YLPM1: variants seen among roughly 807,000 people sequenced by gnomAD.
YLPM1 encodes YLP motif-containing protein 1.
Under a neutral mutation model 230.0 loss-of-function variants are expected in YLPM1, and 99 were observed. The observed-to-expected ratio is 0.43, with a 90% confidence interval of 0.37 to 0.51. The LOEUF (loss-of-function observed/expected upper bound fraction) is 0.51, where lower values mean the gene tolerates loss of function less well. Ranked by LOEUF, YLPM1 falls within the 20% of genes least tolerant of loss-of-function variation. YLPM1 has a pLI of 0.00. For synonymous variants in YLPM1, 984 were observed against 942.5 expected (o/e 1.04, Z -0.81); for missense variants, 2,592 against 2,707.7 (o/e 0.96, Z 0.95).
At chr14:74,800,629 C>T (rs1033319682) in intron 5 of YLPM1, among the ~76,000 whole-genome samples, 1 of 152,114 alleles carries the variant, frequency 6.6e-6, no homozygotes. Context: ...TAAATTATAA[C>T]TTAAACTTTA....
intron 1 of YLPM1, among the ~76,000 whole-genome samples, chr14:74,768,698 G>C (rs898802987): frequency 2.0e-5 from 3 of 152,156 alleles, no homozygotes; most frequent in Non-Finnish European, 4.4e-5. Flanking sequence ...GGTACTATGA[G>C]TACTGTGCTT....
rs1163193612 is a variant in YLPM1, at chr14:74,812,786, A to G, written c.5502+4A>G. 2 of 1,610,532 alleles carry G rather than the reference A, an allele frequency of 1.2e-6. No individual in the cohort carries two copies. On this transcript the variant is annotated splice_donor_region_variant and intron_variant, in intron 11 of 20. Transcript: ENST00000325680. ...CCGGGAGAGCAGACCTGAGAGAGTGAGTCCTATGAAGTTGATTCGTCTTCG... is the reference window on the plus strand; with the variant it reads ...CCGGGAGAGCAGACCTGAGAGAGTGGGTCCTATGAAGTTGATTCGTCTTCG...
chr14:74,783,154 T>C (rs1161045787), intron 4 of YLPM1, among the ~76,000 whole-genome samples: 1 of 152,146 alleles, frequency 6.6e-6, no homozygotes, highest in Non-Finnish European at 1.5e-5. Flanking sequence ...AGCCTCTTCC[T>C]CCTGGGTTCA....
At chr14:74,813,450 T>A (rs950117514) in intron 11 of YLPM1, among the ~76,000 whole-genome samples, 1 of 152,136 alleles carries the variant, frequency 6.6e-6, no homozygotes, top group African/African-American at 2.4e-5. Context: ...TTCCCTTTAT[T>A]TCTGACATTT....
At chr14:74,834,645 A>T (rs143204188) in intron 19 of YLPM1, among the ~76,000 whole-genome samples, 34 of 152,336 alleles carry the variant, frequency 2.2e-4, no homozygotes, top group Admixed American at 2.0e-3. Flanking sequence ...TAGGGAAAAG[A>T]CATTTCAGGA....
chr14:74,773,806 C>T (rs543444303), intron 1 of YLPM1, among the ~76,000 whole-genome samples: 4 of 147,912 alleles, frequency 2.7e-5, no homozygotes, highest in South Asian at 2.2e-4. Context: ...CTGCAACCTC[C>T]GCCTCCCAGG....
chr14:74,811,958 A>G (rs931948897), intron 10 of YLPM1, among the ~76,000 whole-genome samples: 1 of 152,236 alleles, frequency 6.6e-6, no homozygotes, highest in African/African-American at 2.4e-5. Context: ...CTCACTACCT[A>G]CCATACTACA....
Position 74,818,308 on chromosome 14 carries a change from T to C in YLPM1, c.6024T>C (p.Ile2008=). 1.3e-6 allele frequency: 2 copies of C among 1,597,710 alleles called. No homozygotes were observed. The highest frequency in any genetic ancestry group is 1.7e-6 in the Non-Finnish European group (2 of 1,172,002). ...GTTCTTTGCTGCAAGATGCTGCTAT[T>C]GAAGAGGTGAGTATCCTTTGGTTCA... ...DIRSLLQDAA[I]EEVEMEDFDA... The change falls in exon 16 of 21, where the codon ATT becomes ATC. Residue 2008 remains isoleucine, a synonymous_variant. Coordinates refer to ENST00000325680, the MANE Select transcript of YLPM1 (RefSeq NM_019589.3).
rs2091290599 is a variant in YLPM1 at position 74,798,686 on chromosome 14, G to A, written c.3389G>A (p.Ser1130Asn). 3.1e-6 allele frequency: 5 copies of A among 1,612,010 alleles called. No individual in the cohort carries two copies. The highest frequency in any genetic ancestry group is 1.7e-5 in the Admixed American group (1 of 59,852). Residue 1130 changes from serine to asparagine, a missense_variant, in exon 5 of 21, where the codon AGT (serine) becomes AAT (asparagine). Physicochemically the swap from Ser to Asn is conservative, Grantham distance 46. Around this residue, in one of 4 missense-constraint regions of YLPM1, gnomAD observed 1,862 missense variants for 1,819.8 expected, o/e 1.02. Coordinates refer to ENST00000325680, the MANE Select transcript of YLPM1 (RefSeq NM_019589.3). Reference sequence around the variant, plus strand: ...AGGGGACCTCTTCGAAGGGCTGGGAGTAGAGAGAGAATACCACCCCGAAGA... The same window carrying A: ...AGGGGACCTCTTCGAAGGGCTGGGAATAGAGAGAGAATACCACCCCGAAGA... ...QERGPLRRAG[S>N]RERIPPRRAG...
chr14:74,821,057 G>T lies in YLPM1; in HGVS notation c.6031G>T (p.Val2011Leu). The T allele has an allele frequency of 6.6e-7, 1 of 1,514,272 alleles. No individual in the cohort carries two copies. Among genetic ancestry groups the T allele is most frequent in the Non-Finnish European group, 8.8e-7 (1 of 1,131,920 alleles). 93.8% of individuals were successfully genotyped at this position (1,514,272 alleles called of 1,614,324 possible). ...SLLQDAAIEE[V>L]EMEDFDANIE... ...TTTTTTTTTTTAATGGTTGGTATAG[G>T]TAGAGATGGAAGATTTTGATGCAAA... Residue 2011 changes from valine (V) to leucine (L), a missense_variant and splice_region_variant, in exon 17 of 21, where the codon GTA (valine) becomes TTA (leucine). Transcript: ENST00000325680.
intron 18 of YLPM1, among the ~76,000 whole-genome samples, chr14:74,826,604 T>A (rs1460674790): frequency 6.6e-6 from 1 of 152,206 alleles, no homozygotes; most frequent in Non-Finnish European, 1.5e-5. Context: ...TTATTGCAGA[T>A]TCTTGGTCTA....
At chr14:74,789,320 G>A (rs142363000) in intron 4 of YLPM1, among the ~76,000 whole-genome samples, 2,452 of 152,204 alleles carry the variant, frequency 0.016, 34 homozygotes, top group Non-Finnish European at 0.024. Flanking sequence ...GGGTTCAAGC[G>A]ATTCTCCTGT....
intron 1 of YLPM1, among the ~76,000 whole-genome samples, chr14:74,777,247 T>A (rs1371556504): frequency 1.3e-5 from 2 of 152,042 alleles, no homozygotes; most frequent in African/African-American, 4.8e-5. Context: ...CTAAGGCTTT[T>A]AAAATAAATA....
chr14:74,801,503 C>G (rs184670746), intron 5 of YLPM1, among the ~76,000 whole-genome samples: 1 of 151,988 alleles, frequency 6.6e-6, no homozygotes, highest in South Asian at 2.1e-4. Context: ...AAGAAAAAAC[C>G]GAAGGATTAC....
At chr14:74,785,994 T>C (rs2091146029) in intron 4 of YLPM1, among the ~76,000 whole-genome samples, 1 of 152,102 alleles carries the variant, frequency 6.6e-6, no homozygotes, top group South Asian at 2.1e-4. Flanking sequence ...TTTTCACATA[T>C]AATAAAACTT....
At chr14:74,801,465 A>G (rs1183988878) in intron 5 of YLPM1, among the ~76,000 whole-genome samples, 2 of 152,212 alleles carry the variant, frequency 1.3e-5, no homozygotes, top group African/African-American at 4.8e-5. Context: ...GCATTGTGAA[A>G]AAAAGTAAAA....
At chr14:74,805,318 G>T (rs2091366612) in intron 6 of YLPM1, among the ~76,000 whole-genome samples, 1 of 152,094 alleles carries the variant, frequency 6.6e-6, no homozygotes, top group African/African-American at 2.4e-5. Context: ...ACCGCACCCG[G>T]CCAATAACTT....
chr14:74,827,837 A>G (rs185213604), intron 18 of YLPM1: 1 of 985,360 alleles, frequency 1.0e-6, no homozygotes, highest in Non-Finnish European at 1.2e-6. Flanking sequence ...TCACTTCTTT[A>G]AGATCATGTA....
Position 74,764,113 on chromosome 14 carries a change from A to G in YLPM1, c.624A>G (p.Ser208=), listed in dbSNP as rs775142961. The G allele has an allele frequency of 3.7e-6, 6 of 1,609,638 alleles. No homozygotes were observed. The highest frequency in any genetic ancestry group is 4.2e-6 in the Non-Finnish European group (5 of 1,178,892). ...QSYLAPTPSY[S]SSSSSSQSYL... ...ACCTGGCGCCCACCCCTTCTTACTCATCCTCCTCCTCTTCCTCGCAATCCT... is the reference window on the plus strand; with the variant it reads ...ACCTGGCGCCCACCCCTTCTTACTCGTCCTCCTCCTCTTCCTCGCAATCCT... The change falls in exon 1 of 21, where the codon TCA becomes TCG. Residue 208 remains serine, a synonymous_variant. Transcript: ENST00000325680.
Sources: gnomAD v4.1 joint callset for allele counts (sites outside exome capture counted in the v4.1 genomes callset) on GRCh38, gnomAD v4.1.1 for gene constraint, gnomAD v4.1.1 regional missense constraint, MANE v1.5 for transcripts, NCBI Gene and HGNC (gene_info 2026-07-23, HGNC 2026-07-21) for gene names.